The following CCSER2 variants were observed in gnomAD, a reference collection of about 807,000 sequenced individuals.
The protein encoded by CCSER2 is serine-rich coiled-coil domain-containing protein 2.
Under a neutral mutation model 92.3 loss-of-function variants are expected in CCSER2, and 46 were observed. The observed-to-expected ratio is 0.50, with a 90% CI of 0.39 to 0.64. CCSER2 has a LOEUF of 0.64. Among genes scored for constraint, CCSER2 ranks in the 30% least tolerant of loss-of-function variants. The pLI is 0.00. For missense variants in CCSER2, 1,244 were observed against 1,238.9 expected (o/e 1.00, Z -0.06); for synonymous variants, 433 against 431.4 (o/e 1.00, Z -0.04).
rs762290630 is a variant in CCSER2 at position 84,477,914 on chromosome 10, G to A, written c.2325+250G>A. Among the ~76,000 whole-genome samples, 16 of 152,050 alleles carry A rather than the reference G, an allele frequency of 1.1e-4. No homozygotes were observed. The South Asian group carries it at 1.5e-3, about 14-fold the overall frequency. On this transcript the variant is annotated intron_variant, in intron 9 of 9. Coordinates refer to ENST00000372088, the MANE Select transcript of CCSER2 (RefSeq NM_001284240.2). ...ACATACTATAGTTCATTTTATTTGC[G>A]TGTCTACTCTCCTCTTATTGCATGA...
At chr10:84,428,734 G>A (rs1358610254) in intron 5 of CCSER2, among the ~76,000 whole-genome samples, 1 of 152,102 alleles carries the variant, frequency 6.6e-6, no homozygotes, top group African/African-American at 2.4e-5. Flanking sequence ...TGTGATGTTA[G>A]CTGTGGATTT....
rs769650079 is a variant in CCSER2, at chr10:84,371,103, G to A, written c.51G>A (p.Lys17=). The A allele has an allele frequency of 3.7e-6, 6 of 1,607,910 alleles. No individual in the cohort carries two copies. In the South Asian group the frequency reaches 4.5e-5, roughly 12 times the overall value. Residue 17 remains lysine (K), a synonymous_variant, in exon 2 of 10, where the codon AAG becomes AAA. Transcript: ENST00000372088. ...IKTFLGSKLP[K]YGTKSVRSTL... ...CATTTTTGGGTTCCAAGTTGCCAAA[G>A]TATGGAACAAAATCTGTAAGAAGTA...
At chr10:84,481,924 T>C (rs1847482100) in intron 9 of CCSER2, among the ~76,000 whole-genome samples, 1 of 152,208 alleles carries the variant, frequency 6.6e-6, no homozygotes, top group African/African-American at 2.4e-5. Context: ...TGTAGCTACA[T>C]GTGACTGTTG....
chr10:84,338,107 C>G (rs1163017880), intron 1 of CCSER2, among the ~76,000 whole-genome samples: 2 of 151,672 alleles, frequency 1.3e-5, no homozygotes, highest in Non-Finnish European at 2.9e-5. Flanking sequence ...ATGGTGAAAC[C>G]CCATCTCTAC....
intron 9 of CCSER2, among the ~76,000 whole-genome samples, chr10:84,491,268 A>G (rs1160100896): frequency 1.3e-5 from 2 of 152,276 alleles, no homozygotes; most frequent in Non-Finnish European, 2.9e-5. Flanking sequence ...CTTCAAAGCT[A>G]TCAGACAGGG....
intron 8 of CCSER2, among the ~76,000 whole-genome samples, chr10:84,475,451 A>G (rs1366427122): frequency 6.6e-6 from 1 of 152,234 alleles, no homozygotes; most frequent in African/African-American, 2.4e-5. Flanking sequence ...GTGTGAGCAT[A>G]TAGACCACAG....
chr10:84,502,991 G>A (rs556974134), intron 9 of CCSER2, among the ~76,000 whole-genome samples: 6 of 152,200 alleles, frequency 3.9e-5, no homozygotes, highest in Non-Finnish European at 7.4e-5. Flanking sequence ...TTGTGGGGCC[G>A]AGGCAGGCGG....
At chr10:84,502,445 C>T (rs968852334) in intron 9 of CCSER2, among the ~76,000 whole-genome samples, 8 of 147,902 alleles carry the variant, frequency 5.4e-5, no homozygotes, top group Non-Finnish European at 8.9e-5. Flanking sequence ...GATCTCAGCT[C>T]ACTGCAAGCT....
chr10:84,363,969 G>T (rs1006768794), intron 1 of CCSER2, among the ~76,000 whole-genome samples: 2 of 152,156 alleles, frequency 1.3e-5, no homozygotes, highest in Non-Finnish European at 2.9e-5. Context: ...CTACAAACCT[G>T]TACAGCATAT....
At chr10:84,508,326 C>T (rs1461038451) in intron 9 of CCSER2, among the ~76,000 whole-genome samples, 1 of 152,158 alleles carries the variant, frequency 6.6e-6, no homozygotes, top group Non-Finnish European at 1.5e-5. Context: ...CAGAGTATGA[C>T]ATTTCTCAGG....
chr10:84,488,080 G>A (rs1023077818), intron 9 of CCSER2, among the ~76,000 whole-genome samples: 4 of 152,146 alleles, frequency 2.6e-5, no homozygotes, highest in Non-Finnish European at 4.4e-5. Flanking sequence ...TTGCATCCCA[G>A]GGATGAAGCC....
rs71473611 is a variant in CCSER2, at chr10:84,392,316, C to CAAA, written c.1614+18524_1614+18526dup. 5.0e-3 allele frequency among the ~76,000 whole-genome samples: 271 copies of CAAA among 53,814 alleles called. 3 individuals carry two copies. The highest frequency in any genetic ancestry group is 0.016 in the African/African-American group (164 of 10,474). The allele number at this position is 53,814 out of a possible 152,430, so 35.3% of individuals were successfully genotyped here. Reference sequence around the variant, plus strand: ...CAACTCTGCACTGGATCTGAAGAAGCAAAAAAAAAAAAAAAAAAAAAAAAA... The same window carrying CAAA: ...CAACTCTGCACTGGATCTGAAGAAGCAAAAAAAAAAAAAAAAAAAAAAAAAAAA... On this transcript the variant is annotated intron_variant, in intron 3 of 9. Coordinates refer to ENST00000372088, the MANE Select transcript of CCSER2 (RefSeq NM_001284240.2).
chr10:84,358,628 ATATATATATG>A (rs1331797149), intron 1 of CCSER2, among the ~76,000 whole-genome samples: 2 of 148,900 alleles, frequency 1.3e-5, no homozygotes, highest in East Asian at 3.9e-4. Flanking sequence ...CTATCTAAAT[ATATATATATG>A]TATATATGTG....
At chr10:84,492,388 T>C (rs1367059301) in intron 9 of CCSER2, among the ~76,000 whole-genome samples, 1 of 152,206 alleles carries the variant, frequency 6.6e-6, no homozygotes, top group East Asian at 1.9e-4. Flanking sequence ...AGTTTGGGGT[T>C]TTCTATGTTG....
At chr10:84,390,430 C>T (rs1408123158) in intron 3 of CCSER2, among the ~76,000 whole-genome samples, 1 of 152,108 alleles carries the variant, frequency 6.6e-6, no homozygotes, top group Non-Finnish European at 1.5e-5. Flanking sequence ...GCCTATTGCT[C>T]TTAGGATACA....
chr10:84,394,463 T>G (rs1284216969), intron 3 of CCSER2, among the ~76,000 whole-genome samples: 1 of 151,050 alleles, frequency 6.6e-6, no homozygotes, highest in East Asian at 2.0e-4. Context: ...AGTTAACTTG[T>G]GAGTTGAGTG....
intron 5 of CCSER2, among the ~76,000 whole-genome samples, chr10:84,432,186 T>C (rs1843809813): frequency 6.6e-6 from 1 of 152,258 alleles, no homozygotes; most frequent in East Asian, 1.9e-4. Context: ...TTATTTGCCA[T>C]CTGTATATCT....
Position 84,328,602 on chromosome 10 carries a change from G to C in CCSER2, c.-246G>C, listed in dbSNP as rs1361298053. 1 of 150,766 alleles carries C rather than the reference G, an allele frequency of 6.6e-6. No individual in the cohort carries two copies. The allele number at this position is 150,766 out of a possible 1,614,324, so 9.3% of individuals were successfully genotyped here. Reference sequence around the variant, plus strand: ...GCCCTGGAGGGCGGAGTCCGGGCGGGCGCCGGCCGAGGGAGGGGGCGCGGC... The same window carrying C: ...GCCCTGGAGGGCGGAGTCCGGGCGGCCGCCGGCCGAGGGAGGGGGCGCGGC... On this transcript the variant is annotated 5_prime_UTR_variant, in exon 1 of 10. Transcript: ENST00000372088.
At chr10:84,490,629 T>G (rs924975866) in intron 9 of CCSER2, among the ~76,000 whole-genome samples, 31 of 152,208 alleles carry the variant, frequency 2.0e-4, no homozygotes, top group African/African-American at 6.8e-4. Flanking sequence ...GTTCTTCTAG[T>G]TAGCCATTCA....
Sources: allele counts gnomAD v4.1 joint callset (sites outside exome capture counted in the v4.1 genomes callset), GRCh38; gene constraint gnomAD v4.1.1; transcripts MANE v1.5; gene names NCBI Gene and HGNC (gene_info 2026-07-23, HGNC 2026-07-21).